The following ITSN2 variants were observed in gnomAD, a reference collection of about 807,000 sequenced individuals.
ITSN2 encodes the protein intersectin 2.
A neutral mutation model predicts 243.7 loss-of-function variants in ITSN2; 156 were observed. That is an observed-to-expected ratio of 0.64 (90% CI 0.56 to 0.73). The LOEUF (loss-of-function observed/expected upper bound fraction) is 0.73. Among genes scored for constraint, ITSN2 ranks in the 30% least tolerant of loss-of-function variants. The pLI is 0.00. For synonymous variants in ITSN2, 703 were observed against 699.9 expected (o/e 1.00, Z -0.07); for missense variants, 1,801 against 1,996.1 (o/e 0.90, Z 1.86).
chr2:24,216,372 G>A, intron 31 of ITSN2, 140 bp from the exon 32 acceptor site: 2 of 642,854 alleles, frequency 3.1e-6, no homozygotes, highest in Middle Eastern at 4.7e-4. Context: ...GAACTCAAGA[G>A]GAAGAGGAGA....
At chr2:24,312,482 T>A in intron 4 of ITSN2, 107 bp from the exon 5 acceptor site, 2 of 645,742 alleles carry the variant, frequency 3.1e-6, no homozygotes, top group Non-Finnish European at 5.1e-6. Flanking sequence ...CATTCACGTG[T>A]ACATCATCAC....
rs760644925 is a variant in ITSN2, at chr2:24,270,787, TCATTATTTGCAACTTACATGTATA to T, written c.2258-43_2258-20del. 2.2e-6 allele frequency: 3 copies of T among 1,339,670 alleles called. No homozygotes were observed. In the South Asian group the frequency reaches 3.7e-5, roughly 17 times the overall value. 83.0% of individuals were successfully genotyped at this position (1,339,670 alleles called of 1,614,324 possible). A position where few individuals can be genotyped will look rare whatever the true frequency, so the allele number is the denominator to read the frequency against. On this transcript the variant is annotated intron_variant, in intron 19 of 39. Coordinates refer to ENST00000355123, the MANE Select transcript of ITSN2 (RefSeq NM_006277.3). ...GTCTCACCTAAAGAGAAGACAATTG[TCATTATTTGCAACTTACATGTATA>T]CATCTTTGCTATGACTCAATAAAGA...
chr2:24,298,856 A>G (rs1324264203), intron 12 of ITSN2, 42 bp from the exon 13 acceptor site: 45 of 1,551,760 alleles, frequency 2.9e-5, no homozygotes, highest in Non-Finnish European at 3.9e-5. Flanking sequence ...TAAATCAAAA[A>G]TTTTGCACGA....
At chr2:24,288,263 C>T (rs192927208) in intron 15 of ITSN2, among the ~76,000 whole-genome samples, 2 of 152,098 alleles carry the variant, frequency 1.3e-5, no homozygotes, top group African/African-American at 4.8e-5. Flanking sequence ...TACCATTTAT[C>T]GAAGAGGCTA....
chr2:24,275,239 G>T (rs1451607050), intron 18 of ITSN2, among the ~76,000 whole-genome samples: 2 of 152,204 alleles, frequency 1.3e-5, no homozygotes, highest in African/African-American at 4.8e-5. Context: ...TAACTTAAGA[G>T]ACAAGGTCTT....
At chr2:24,245,441 T>C (rs913560753) in intron 29 of ITSN2, among the ~76,000 whole-genome samples, 4 of 151,728 alleles carry the variant, frequency 2.6e-5, no homozygotes, top group Non-Finnish European at 4.4e-5. Flanking sequence ...ACTAAAAGAG[T>C]AATTTTGAAT....
rs148753185 is a variant in ITSN2 at position 24,210,937 on chromosome 2, T to C, written c.4100A>G (p.Asn1367Ser). The C allele has an allele frequency of 4.5e-5, 73 of 1,614,130 alleles. No homozygotes were observed. In the African/African-American group the frequency reaches 6.0e-4, roughly 13 times the overall value. The change falls in exon 34 of 40, where the codon AAC becomes AGC. Residue 1367 changes from asparagine to serine, a missense_variant. Transcript: ENST00000355123. ...YPLLIRSILE[N>S]TPESHADHSS... ...ATGGTCTGCATGGCTCTCCGGGGTG[T>C]TCTCCAGAATCTGGAAAAGAGTGGG...
intron 29 of ITSN2, among the ~76,000 whole-genome samples, chr2:24,229,598 A>G (rs1333409138): frequency 6.6e-6 from 1 of 152,184 alleles, no homozygotes; most frequent in Non-Finnish European, 1.5e-5. Flanking sequence ...CAACAACAAC[A>G]CAAAGAACCC....
intron 1 of ITSN2, among the ~76,000 whole-genome samples, chr2:24,347,635 G>A (rs1687662104): frequency 6.6e-6 from 1 of 151,876 alleles, no homozygotes; most frequent in African/African-American, 2.4e-5. Flanking sequence ...GCGGTGAGCT[G>A]AGATCGCACC....
At chr2:24,324,067 C>G (rs925893663) in intron 2 of ITSN2, among the ~76,000 whole-genome samples, 1 of 152,036 alleles carries the variant, frequency 6.6e-6, no homozygotes, top group African/African-American at 2.4e-5. Flanking sequence ...CCCATCTCTA[C>G]TAAAAATACA....
At chr2:24,279,431 G>A (rs995345941) in intron 17 of ITSN2, among the ~76,000 whole-genome samples, 12 of 152,156 alleles carry the variant, frequency 7.9e-5, no homozygotes, top group Non-Finnish European at 1.5e-4. Flanking sequence ...TTCTTAAGAA[G>A]AGTGAGGGAA....
At position 24,252,410 on chromosome 2, in the gene ITSN2, T is replaced by C. The variant is rs774058347; in HGVS notation, c.3055A>G (p.Thr1019Ala). The C allele has an allele frequency of 3.1e-6, 5 of 1,612,938 alleles. No homozygotes were observed. The Admixed American group carries it at 6.7e-5, about 22-fold the overall frequency. ...CCACTTCTATCTCCAATACTTCCTG[T>C]CCACCACTCTCCATCTTTCTGGGTC... ...LVTQKDGEWWTGSIGDRSGIF... is the reference protein window; with the variant it reads ...LVTQKDGEWWAGSIGDRSGIF... Residue 1019 changes from threonine (T) to alanine (A), a missense_variant, in exon 25 of 40, where the codon ACA becomes GCA. Thr to Ala is a moderately conservative substitution (Grantham distance 58). Coordinates refer to ENST00000355123, the MANE Select transcript of ITSN2 (RefSeq NM_006277.3).
chr2:24,297,169 TAAAG>T (rs1408939036), intron 13 of ITSN2, among the ~76,000 whole-genome samples: 1 of 152,210 alleles, frequency 6.6e-6, no homozygotes, highest in Non-Finnish European at 1.5e-5. Flanking sequence ...TATTTCTGAC[TAAAG>T]ATATTGTGAT....
chr2:24,236,472 G>T (rs1334234356), intron 29 of ITSN2, among the ~76,000 whole-genome samples: 1 of 152,082 alleles, frequency 6.6e-6, no homozygotes, highest in East Asian at 1.9e-4. Flanking sequence ...ACCACCAATT[G>T]CATGGCAAGT....
intron 2 of ITSN2, chr2:24,321,689 G>A (rs1207929775): frequency 1.3e-5 from 2 of 152,090 alleles, no homozygotes; most frequent in East Asian, 3.9e-4. Flanking sequence ...CCTGTCACTA[G>A]GAAGGCAAGT....
intron 17 of ITSN2, among the ~76,000 whole-genome samples, chr2:24,279,216 C>T (rs1463676935): frequency 6.6e-6 from 1 of 152,108 alleles, no homozygotes; most frequent in East Asian, 1.9e-4. Flanking sequence ...GGTTATGCCA[C>T]CTGCAGGGGT....
intron 2 of ITSN2, among the ~76,000 whole-genome samples, chr2:24,319,216 T>C (rs535866213): frequency 6.6e-6 from 1 of 152,278 alleles, no homozygotes; most frequent in East Asian, 1.9e-4. Context: ...TCTGGATCAC[T>C]AGGAAATGGT....
At chr2:24,212,846 A>C in intron 32 of ITSN2, 98 bp from the exon 33 acceptor site, 1 of 986,604 alleles carries the variant, frequency 1.0e-6, no homozygotes, top group South Asian at 1.4e-5. Context: ...TCTTTTATTT[A>C]TTTATGTTTC....
At chr2:24,236,705 T>C (rs1193651407) in intron 29 of ITSN2, among the ~76,000 whole-genome samples, 2 of 148,786 alleles carry the variant, frequency 1.3e-5, no homozygotes. Flanking sequence ...GGTCTCATTC[T>C]GTCACTCAGG....
Sources: gnomAD v4.1 joint callset for allele counts (sites outside exome capture counted in the v4.1 genomes callset) on GRCh38, gnomAD v4.1.1 for gene constraint, MANE v1.5 for transcripts, NCBI Gene and HGNC (gene_info 2026-07-23, HGNC 2026-07-21) for gene names.